The following SEC62 variants were observed in gnomAD, a reference collection of about 807,000 sequenced individuals.
SEC62 encodes translocation protein SEC62.
SEC62 carries 10 observed loss-of-function variants against 47.5 expected under a neutral mutation model. The ratio of observed to expected loss-of-function variants is 0.21; its 90% CI spans 0.13 to 0.36. The LOEUF (loss-of-function observed/expected upper bound fraction) is 0.36. Ranked by LOEUF, SEC62 falls within the 10% of genes least tolerant of loss-of-function variation. The probability of loss-of-function intolerance (pLI) is 1.00; values close to 1 mark genes in which losing one functional copy is unlikely to be tolerated. For missense variants in SEC62, 327 were observed against 464.1 expected (o/e 0.70, Z 2.71); for synonymous variants, 136 against 150.5 (o/e 0.90, Z 0.71).
At chr3:169,967,308 T>C (rs1191586533) in intron 1 of SEC62, among the ~76,000 whole-genome samples, 1 of 152,178 alleles carries the variant, frequency 6.6e-6, no homozygotes, top group Non-Finnish European at 1.5e-5. Context: ...GGCGGCGGAC[T>C]GACCTAAAGC....
chr3:169,975,801 G>A, intron 2 of SEC62, 85 bp downstream of exon 2: 1 of 863,116 alleles, frequency 1.2e-6, no homozygotes, highest in Non-Finnish European at 1.9e-6. Flanking sequence ...TTTTAAAAGT[G>A]CTTTCCAAAT....
chr3:169,982,817 A>C lies in SEC62; in HGVS notation c.362A>C (p.Glu121Ala). The C allele has an allele frequency of 1.9e-6, 3 of 1,595,878 alleles. No individual in the cohort carries two copies. The highest frequency in any genetic ancestry group is 2.6e-6 in the Non-Finnish European group (3 of 1,171,290). Residue 121 changes from glutamate to alanine, a missense_variant, in exon 4 of 8, where the codon GAA becomes GCA. Transcript: ENST00000337002. ...GGAAAAGCTGAAAGTGGAAAAGAAG[A>C]AGATAAAAAGAGCAAGAAAGAAAAT... ...DKGKAESGKE[E>A]DKKSKKENIK...
Position 169,992,979 on chromosome 3 carries a change from A to T in SEC62, c.1116A>T (p.Glu372Asp). Residue 372 changes from glutamate (E) to aspartate (D), a missense_variant, in exon 8 of 8, where the codon GAA (glutamate) becomes GAT (aspartate). Coordinates refer to ENST00000337002, the MANE Select transcript of SEC62 (RefSeq NM_003262.4). The surrounding 1 kb of genome is among the most constrained non-coding windows in gnomAD (Gnocchi z 4.0). ...DFEMITKEEL[E>D]QQTDGDCEED... ...AAATGATAACAAAAGAGGAACTGGA[A>T]CAGCAAACAGATGGGGATTGTGAAG... 6.2e-7 allele frequency: 1 copy of T among 1,613,970 alleles called. No individual in the cohort carries two copies.
chr3:169,988,428 C>T (rs996906437), intron 7 of SEC62, 69 bp downstream of exon 7: 4 of 1,535,122 alleles, frequency 2.6e-6, no homozygotes, highest in African/African-American at 2.7e-5. Flanking sequence ...TAATTTGGAG[C>T]TTCAGTAAAG....
chr3:169,980,450 C>A (rs186479050), intron 3 of SEC62, among the ~76,000 whole-genome samples: 3 of 152,104 alleles, frequency 2.0e-5, no homozygotes, highest in Admixed American at 2.0e-4. Context: ...TAATGTCAGT[C>A]TCATCTTTCA....
intron 1 of SEC62, chr3:169,969,193 A>G: frequency 2.5e-6 from 1 of 399,636 alleles, no homozygotes; most frequent in South Asian, 1.8e-5. Context: ...ATCTTTAATT[A>G]TACTTTGCAC....
chr3:169,968,616 T>G (rs1714615001), intron 1 of SEC62: 1 of 152,080 alleles, frequency 6.6e-6, no homozygotes, highest in African/African-American at 2.4e-5. Context: ...TTATTAAAAG[T>G]TATTAAAAGT....
intron 5 of SEC62, chr3:169,985,210 T>G (rs1038750621): frequency 2.0e-5 from 3 of 152,216 alleles, no homozygotes; most frequent in Non-Finnish European, 4.4e-5. Flanking sequence ...GCTGGTGTTT[T>G]GGTTGAATAA....
chr3:169,995,408 A>T lies in SEC62; in HGVS notation c.*2345A>T, dbSNP rs901708820. ...TATTTTTCCTTTTCCCTCTTACTGG[A>T]TTTTTCAATTTTCAAACCATATGGC... On this transcript the variant is annotated 3_prime_UTR_variant, in exon 8 of 8. Coordinates refer to ENST00000337002, the MANE Select transcript of SEC62 (RefSeq NM_003262.4). 21 of 152,100 alleles carry T rather than the reference A, an allele frequency of 1.4e-4. No individual in the cohort carries two copies. The highest frequency in any genetic ancestry group is 4.8e-4 in the African/African-American group (20 of 41,412). 9.4% of individuals were successfully genotyped at this position (152,100 alleles called of 1,614,324 possible).
At chr3:169,967,025 A>AG (rs1052254961) in intron 1 of SEC62, among the ~76,000 whole-genome samples, 167 bp downstream of exon 1, 4 of 146,970 alleles carry the variant, frequency 2.7e-5, no homozygotes, top group Non-Finnish European at 4.5e-5. Flanking sequence ...GAGGGGCCTG[A>AG]GGGGGGGCGG....
At chr3:169,969,820 T>A (rs959335437) in intron 1 of SEC62, among the ~76,000 whole-genome samples, 1 of 152,230 alleles carries the variant, frequency 6.6e-6, no homozygotes, top group African/African-American at 2.4e-5. Flanking sequence ...CTAAAGAGAA[T>A]CATCCCATTC....
chr3:169,971,054 A>G (rs1427282224), intron 1 of SEC62, among the ~76,000 whole-genome samples: 1 of 150,326 alleles, frequency 6.7e-6, no homozygotes, highest in African/African-American at 2.5e-5. Flanking sequence ...CTATCTGTTC[A>G]TGTTCTCATG....
chr3:169,985,834 C>G lies in SEC62; in HGVS notation c.579C>G (p.His193Gln), dbSNP rs1715092559. 2.5e-6 allele frequency: 4 copies of G among 1,612,490 alleles called. No homozygotes were observed. Among genetic ancestry groups the G allele is most frequent in the Non-Finnish European group, 3.4e-6 (4 of 1,179,216 alleles). Residue 193 changes from histidine to glutamine, a missense_variant, in exon 6 of 8, where the codon CAC becomes CAG. By Grantham distance (24) the His-to-Gln change is conservative (BLOSUM62 0). Transcript: ENST00000337002. ...ATGTATGGATCTATGACCCAGTTCA[C>G]TTTAAAACATTTGTCATGGGATTAA... ...EVYVWIYDPV[H>Q]FKTFVMGLIL... is the part of the protein sequence containing the mutation.
chr3:169,988,318 G>T lies in SEC62; in HGVS notation c.689G>T (p.Gly230Val). The change falls in exon 7 of 8, where the codon GGT (glycine) becomes GTT (valine). Residue 230 changes from glycine to valine, a missense_variant. This residue lies in a region of SEC62 where 99 missense variants were observed against 194.0 expected (regional missense o/e 0.51). Transcript: ENST00000337002. ...MRVGVYYLSV[G>V]AGCFVASILL... ...GTAGGTGTTTATTACCTCAGTGTGG[G>T]TGCAGGCTGTTTTGTAGCCAGTATT... 5.6e-6 allele frequency: 9 copies of T among 1,613,858 alleles called. No individual in the cohort carries two copies. The highest frequency in any genetic ancestry group is 6.8e-6 in the Non-Finnish European group (8 of 1,179,842).
rs1715356574 is a variant in SEC62, at chr3:169,995,663, G to C, written c.*2600G>C. 1 of 152,068 alleles carries C rather than the reference G, an allele frequency of 6.6e-6. No individual in the cohort carries two copies. The highest frequency in any genetic ancestry group is 1.5e-5 in the Non-Finnish European group (1 of 68,010). 9.4% of individuals were successfully genotyped at this position (152,068 alleles called of 1,614,324 possible). A position where few individuals can be genotyped will look rare whatever the true frequency, so the allele number is the denominator to read the frequency against. On this transcript the variant is annotated 3_prime_UTR_variant, in exon 8 of 8. Coordinates refer to ENST00000337002, the MANE Select transcript of SEC62 (RefSeq NM_003262.4). ...TCTATTAGGAACTGGAAAACAGCAA[G>C]TATGGTTGATTCTCATTATTCAAGG...
At chr3:169,990,271 T>A (rs1346868581) in intron 7 of SEC62, among the ~76,000 whole-genome samples, 1 of 151,722 alleles carries the variant, frequency 6.6e-6, no homozygotes, top group African/African-American at 2.4e-5. Context: ...CTAGCTAATT[T>A]TTTTTTTTAA....
intron 2 of SEC62, among the ~76,000 whole-genome samples, chr3:169,976,483 A>T (rs879901660): frequency 6.6e-6 from 1 of 152,206 alleles, no homozygotes; most frequent in African/African-American, 2.4e-5. Flanking sequence ...TAGATGTGCT[A>T]ATCTCTTCAG....
intron 1 of SEC62, among the ~76,000 whole-genome samples, chr3:169,968,121 T>C (rs1280548965): frequency 6.6e-6 from 1 of 152,238 alleles, no homozygotes; most frequent in East Asian, 1.9e-4. Flanking sequence ...AGTAGAAGTT[T>C]CTAATTATAC....
chr3:169,967,084 G>A (rs918184774), intron 1 of SEC62, among the ~76,000 whole-genome samples: 5 of 152,208 alleles, frequency 3.3e-5, no homozygotes, highest in African/African-American at 1.2e-4. Flanking sequence ...GAGCAGCAGG[G>A]GAAGGAAGGA....
Sources: gnomAD v4.1 joint callset for allele counts (sites outside exome capture counted in the v4.1 genomes callset) on GRCh38, gnomAD v4.1.1 for gene constraint, gnomAD v4.1.1 regional missense constraint, Gnocchi (gnomAD v3.1) non-coding constraint, MANE v1.5 for transcripts, NCBI Gene and HGNC (gene_info 2026-07-23, HGNC 2026-07-21) for gene names.